Variants in FARP1 observed in about 807,000 individuals in gnomAD.
FARP1 encodes FERM, ARH/RhoGEF and pleckstrin domain protein 1.
In FARP1, 52 loss-of-function variants were observed where a neutral mutation model predicts 128.8. The ratio of observed to expected loss-of-function variants is 0.40; its 90% CI spans 0.32 to 0.51. The LOEUF (loss-of-function observed/expected upper bound fraction) is 0.51, where lower values mean the gene tolerates loss of function less well. Ranked by LOEUF, FARP1 falls within the 20% of genes least tolerant of loss-of-function variation. The pLI is 0.45. For missense variants in FARP1, 1,333 were observed against 1,367.9 expected (o/e 0.97, Z 0.40); for synonymous variants, 580 against 551.8 (o/e 1.05, Z -0.72).
intron 2 of FARP1, among the ~76,000 whole-genome samples, chr13:98,243,898 T>A (rs1882919698): frequency 6.6e-6 from 1 of 152,122 alleles, no homozygotes; most frequent in East Asian, 1.9e-4. Flanking sequence ...ATGTGGAATT[T>A]CAGTGTAATT....
intron 5 of FARP1, among the ~76,000 whole-genome samples, chr13:98,372,513 T>C (rs549068155): frequency 2.6e-5 from 4 of 152,314 alleles, no homozygotes; most frequent in African/African-American, 9.6e-5. Flanking sequence ...TACTTGCCTG[T>C]GTTCTTATAG....
intron 16 of FARP1, among the ~76,000 whole-genome samples, chr13:98,414,525 GTC>G (rs1410985284): frequency 1.3e-5 from 2 of 152,160 alleles, no homozygotes; most frequent in Non-Finnish European, 1.5e-5. Flanking sequence ...AGAAACCAGT[GTC>G]TCTCTAGATC....
Position 98,258,213 on chromosome 13 carries a change from C to T in FARP1, c.171+44800C>T, listed in dbSNP as rs1325837471. The stretch of plus-strand genomic sequence containing the variant: ...CAATCTCCTGACCTCATGATCCACC[C>T]GCGTCAGCCTCCCAAAGTGCTGGGA... On this transcript the variant is annotated intron_variant, in intron 2 of 26. Coordinates refer to ENST00000319562, the MANE Select transcript of FARP1 (RefSeq NM_005766.4). Among the ~76,000 whole-genome samples, 7 of 152,226 alleles carry T rather than the reference C, an allele frequency of 4.6e-5. No homozygotes were observed. The South Asian group carries it at 1.0e-3, about 23-fold the overall frequency.
intron 2 of FARP1, among the ~76,000 whole-genome samples, chr13:98,227,898 C>T (rs1460422070): frequency 2.6e-5 from 4 of 152,166 alleles, no homozygotes; most frequent in Non-Finnish European, 5.9e-5. Flanking sequence ...TATGATTCTA[C>T]TAATATGGGG....
intron 3 of FARP1, among the ~76,000 whole-genome samples, chr13:98,361,127 C>T (rs551810414): frequency 5.7e-4 from 87 of 152,280 alleles, no homozygotes; most frequent in African/African-American, 2.1e-3. Flanking sequence ...TTGCTGCTCC[C>T]AGCTCATCCA....
upstream of FARP1, chr13:98,143,018 C>G (rs1183303874): frequency 6.7e-6 from 1 of 148,318 alleles, no homozygotes; most frequent in Non-Finnish European, 1.5e-5. Flanking sequence ...CCCGCGTCCC[C>G]GCTGCTCGGG....
chr13:98,194,272 A>G (rs552754200), intron 1 of FARP1, among the ~76,000 whole-genome samples: 1 of 152,142 alleles, frequency 6.6e-6, no homozygotes, highest in South Asian at 2.1e-4. Context: ...GCCTGCTACC[A>G]TGCCTGGCTG....
intron 2 of FARP1, among the ~76,000 whole-genome samples, chr13:98,304,164 CAT>C (rs1321367409): frequency 4.6e-5 from 7 of 152,078 alleles, no homozygotes; most frequent in African/African-American, 1.4e-4. Flanking sequence ...TGGTGTATGA[CAT>C]AGTGGGGCCC....
At chr13:98,422,262 C>T (rs552072519) in intron 16 of FARP1, among the ~76,000 whole-genome samples, 31 of 151,880 alleles carry the variant, frequency 2.0e-4, no homozygotes, top group African/African-American at 5.1e-4. Flanking sequence ...CCGGAGAGCC[C>T]GAATATAGGA....
intron 26 of FARP1, 168 bp downstream of exon 26, chr13:98,446,985 T>TGGCAGAAAGTGGGGTCCCAACTTCC: frequency 1.5e-6 from 1 of 666,454 alleles, no homozygotes; most frequent in Non-Finnish European, 2.5e-6. Flanking sequence ...TCTGTTCTCA[T>TGGCAGAAAGTGGGGTCCCAACTTCC]GGCAGAAAGT....
At position 98,377,376 on chromosome 13, in the gene FARP1, A is replaced by G. The variant is rs754552759; in HGVS notation, c.399-445A>G. 6.9e-5 allele frequency among the ~76,000 whole-genome samples: 2 copies of G among 28,886 alleles called. 1 individual carries two copies. The highest frequency in any genetic ancestry group is 1.9e-4 in the Non-Finnish European group (2 of 10,530). The allele number at this position is 28,886 out of a possible 152,430, so 19.0% of individuals were successfully genotyped here. A position where few individuals can be genotyped will look rare whatever the true frequency, so the allele number is the denominator to read the frequency against. On this transcript the variant is annotated intron_variant, in intron 5 of 26. Coordinates refer to ENST00000319562, the MANE Select transcript of FARP1 (RefSeq NM_005766.4). ...GTCCTATGGAAGTAGTTACACCACA[A>G]AAAAAAAAAAAAAAATGACGCCCCC...
chr13:98,391,259 T>A (rs1359777858), intron 11 of FARP1, among the ~76,000 whole-genome samples: 2 of 152,212 alleles, frequency 1.3e-5, no homozygotes, highest in Admixed American at 1.3e-4. Context: ...TTAAATCAAG[T>A]AAATCTGGAT....
intron 24 of FARP1, among the ~76,000 whole-genome samples, chr13:98,442,423 G>A (rs529224962): frequency 6.4e-4 from 98 of 152,328 alleles, no homozygotes; most frequent in African/African-American, 2.3e-3. Flanking sequence ...GCCTGCTTCT[G>A]AAGACATCCT....
rs140275539 is a variant in FARP1, at chr13:98,362,007, T to G, written c.277-3388T>G. Among the ~76,000 whole-genome samples the G allele has an allele frequency of 1.4e-4, 21 of 152,348 alleles. No homozygotes were observed. The East Asian group carries it at 4.1e-3, about 29-fold the overall frequency. ...GGTTGGGCAAAGTGGCTCATGCCTA[T>G]AATCCCAGCACTTTGGGAGGCCGAG... On this transcript the variant is annotated intron_variant, in intron 3 of 26. Transcript: ENST00000319562.
chr13:98,255,801 G>A (rs1883559384), intron 2 of FARP1, among the ~76,000 whole-genome samples: 1 of 152,160 alleles, frequency 6.6e-6, no homozygotes, highest in Non-Finnish European at 1.5e-5. Flanking sequence ...CTTGACCTTT[G>A]TGGATTTCTT....
At chr13:98,145,217 C>T (rs1384212481) in intron 1 of FARP1, among the ~76,000 whole-genome samples, 1 of 152,108 alleles carries the variant, frequency 6.6e-6, no homozygotes, top group Non-Finnish European at 1.5e-5. Flanking sequence ...ACTGGAAACC[C>T]TCGGTGTGGA....
intron 5 of FARP1, among the ~76,000 whole-genome samples, chr13:98,376,223 T>C (rs191441380): frequency 6.6e-6 from 1 of 152,278 alleles, no homozygotes; most frequent in African/African-American, 2.4e-5. Context: ...AAATATTAGA[T>C]CTTATTCATT....
intron 1 of FARP1, among the ~76,000 whole-genome samples, chr13:98,210,751 A>G (rs1880652719): frequency 2.0e-5 from 3 of 152,042 alleles, no homozygotes; most frequent in Middle Eastern, 3.4e-3. Flanking sequence ...GGGTTTCACC[A>G]TGTTAGCCAG....
At chr13:98,387,823 A>G (rs1345349004) in intron 8 of FARP1, among the ~76,000 whole-genome samples, 1 of 152,250 alleles carries the variant, frequency 6.6e-6, no homozygotes, top group East Asian at 1.9e-4. Flanking sequence ...GCGTGGATGA[A>G]GCAGGGAGTT....
Sources: allele counts gnomAD v4.1 joint callset (sites outside exome capture counted in the v4.1 genomes callset), GRCh38; gene constraint gnomAD v4.1.1; transcripts MANE v1.5; gene names NCBI Gene and HGNC (gene_info 2026-07-23, HGNC 2026-07-21).